The following ULK4 variants were observed in gnomAD, a reference collection of about 807,000 sequenced individuals.
ULK4 encodes unc-51 like kinase 4.
In ULK4, 133 loss-of-function variants were observed where a neutral mutation model predicts 160.6. That is an observed-to-expected ratio of 0.83 (90% CI 0.72 to 0.96). The LOEUF (loss-of-function observed/expected upper bound fraction) is 0.96, where lower values mean the gene tolerates loss of function less well. Among genes scored for constraint, ULK4 ranks in the 40% least tolerant of loss-of-function variants. ULK4 has a pLI of 0.00. For synonymous variants in ULK4, 534 were observed against 539.8 expected, an observed-to-expected ratio of 0.99 and a Z score of 0.15; for missense variants, 1,580 against 1,499.5, an observed-to-expected ratio of 1.05 and a Z score of -0.89.
At chr3:41,371,201 G>T (rs1286706939) in intron 35 of ULK4, among the ~76,000 whole-genome samples, 1 of 152,166 alleles carries the variant, frequency 6.6e-6, no homozygotes, top group African/African-American at 2.4e-5. Flanking sequence ...TCGGGGAAGG[G>T]GCGGCTGTGG....
chr3:41,743,339 A>G (rs1340062495), intron 22 of ULK4, among the ~76,000 whole-genome samples: 2 of 151,864 alleles, frequency 1.3e-5, no homozygotes, highest in African/African-American at 4.9e-5. Context: ...AAAGGAAAAA[A>G]AAAACTGTCA....
chr3:41,673,912 T>G (rs539017532), intron 29 of ULK4, among the ~76,000 whole-genome samples: 3 of 152,306 alleles, frequency 2.0e-5, no homozygotes, highest in African/African-American at 7.2e-5. Flanking sequence ...TATTGCTTTG[T>G]CTTGCCCACA....
At chr3:41,618,228 A>T (rs972861710) in intron 30 of ULK4, among the ~76,000 whole-genome samples, 1 of 152,214 alleles carries the variant, frequency 6.6e-6, no homozygotes, top group Non-Finnish European at 1.5e-5. Flanking sequence ...GAACTTCCCC[A>T]CCATAGCAAG....
At chr3:41,704,924 G>A in intron 27 of ULK4, 133 bp downstream of exon 27, 3 of 614,986 alleles carry the variant, frequency 4.9e-6, no homozygotes, top group Non-Finnish European at 8.1e-6. Flanking sequence ...ATCCTGCCAG[G>A]GTAGGGGGGT....
intron 27 of ULK4, among the ~76,000 whole-genome samples, chr3:41,682,355 C>G (rs2035950488): frequency 6.6e-6 from 1 of 151,724 alleles, no homozygotes; most frequent in African/African-American, 2.4e-5. Flanking sequence ...TAAAACTTAA[C>G]CCCAAAAAAC....
chr3:41,881,124 A>G (rs886982147), intron 17 of ULK4, among the ~76,000 whole-genome samples: 9 of 152,100 alleles, frequency 5.9e-5, no homozygotes, highest in Non-Finnish European at 1.2e-4. Flanking sequence ...GTTATGAACC[A>G]AAGATTCACT....
At chr3:41,727,165 T>C (rs973952091) in intron 22 of ULK4, among the ~76,000 whole-genome samples, 1 of 152,224 alleles carries the variant, frequency 6.6e-6, no homozygotes, top group South Asian at 2.1e-4. Flanking sequence ...CCTCCTGCTA[T>C]ACCTCTGTGA....
In ULK4 at chr3:41,681,624, C is replaced by T; in HGVS notation, c.2862G>A (p.Leu954=). 6.2e-7 allele frequency: 1 copy of T among 1,613,604 alleles called. No individual in the cohort carries two copies. The highest frequency in any genetic ancestry group is 8.5e-7 in the Non-Finnish European group (1 of 1,179,908). ...CGAGTAGAGATGTGGTTTCTGAGAG[C>T]AACCGCAAGCTAAAGAGTCTCCACT... ...NVEWRLFSLR[L]LSETTSLLVN... is the part of the protein sequence containing the mutation. Residue 954 remains leucine (L), a synonymous_variant, in exon 29 of 37, where the codon TTG becomes TTA. Transcript: ENST00000301831.
At chr3:41,524,451 A>G (rs1466306959) in intron 32 of ULK4, among the ~76,000 whole-genome samples, 1 of 152,180 alleles carries the variant, frequency 6.6e-6, no homozygotes, top group Non-Finnish European at 1.5e-5. Context: ...AAACAAGTCA[A>G]TGGCCAACTA....
chr3:41,961,877 C>A (rs73071261), intron 1 of ULK4, 139 bp downstream of exon 1: 18,961 of 152,968 alleles, frequency 0.12, 1,369 homozygotes, highest in Middle Eastern at 0.27. Context: ...GCAGGGGGTA[C>A]GGGGTCCACT....
intron 17 of ULK4, among the ~76,000 whole-genome samples, chr3:41,880,866 C>T (rs113458377): frequency 0.046 from 6,921 of 151,940 alleles, 492 homozygotes; most frequent in African/African-American, 0.16. Flanking sequence ...GAGGTTACAA[C>T]GAGCCAAGAT....
chr3:41,611,365 T>G (rs2032669019), intron 31 of ULK4, among the ~76,000 whole-genome samples: 7 of 152,172 alleles, frequency 4.6e-5, no homozygotes. Flanking sequence ...ATCAGCTGCC[T>G]GGCTTTCTCC....
chr3:41,760,074 T>C (rs1415155844), intron 21 of ULK4, among the ~76,000 whole-genome samples: 2 of 152,044 alleles, frequency 1.3e-5, no homozygotes, highest in Non-Finnish European at 2.9e-5. Context: ...CCAGAATATA[T>C]AAAGAACTCT....
chr3:41,510,895 C>T (rs1407919493), intron 32 of ULK4, among the ~76,000 whole-genome samples: 3 of 152,180 alleles, frequency 2.0e-5, no homozygotes, highest in African/African-American at 4.8e-5. Context: ...GGCGCAGTGG[C>T]TCATGCCTGT....
rs367916908 is a variant in ULK4 at position 41,315,829 on chromosome 3, A to T, written c.3679-66255T>A. On this transcript the variant is annotated intron_variant, in intron 35 of 36. Transcript: ENST00000301831. ...CATCAGGACAATGCACATCAAAACC[A>T]CAATGAGATGCCACTTCCCACCCAT... is the stretch of plus-strand genomic sequence containing the variant. Among the ~76,000 whole-genome samples the T allele has an allele frequency of 8.7e-4, 133 of 152,334 alleles. 8 individuals carry two copies. In the South Asian group the frequency reaches 0.027, roughly 31 times the overall value.
chr3:41,664,665 G>A (rs1288393477), intron 29 of ULK4, among the ~76,000 whole-genome samples: 1 of 151,940 alleles, frequency 6.6e-6, no homozygotes, highest in Non-Finnish European at 1.5e-5. Context: ...CTGTTAACTG[G>A]GTACATTGCA....
At chr3:41,952,050 A>C (rs1026332034) in intron 2 of ULK4, among the ~76,000 whole-genome samples, 4 of 152,218 alleles carry the variant, frequency 2.6e-5, no homozygotes, top group African/African-American at 7.2e-5. Flanking sequence ...TAGAAAATTT[A>C]ACTCAAAATG....
chr3:41,494,197 T>C (rs28887901), intron 32 of ULK4, among the ~76,000 whole-genome samples: 71,740 of 89,620 alleles, frequency 0.8, 29,932 homozygotes, highest in Middle Eastern at 0.91. Flanking sequence ...ACTGGCAAAC[T>C]GAATCCAGCA....
rs1226603163 is a variant in ULK4, at chr3:41,891,363, G to GAGGC, written c.1577+4151_1577+4154dup. Among the ~76,000 whole-genome samples the GAGGC allele has an allele frequency of 4.3e-5, 6 of 139,098 alleles. 1 individual carries two copies. The highest frequency in any genetic ancestry group is 7.8e-5 in the Non-Finnish European group (5 of 64,040). 91.3% of individuals were successfully genotyped at this position (139,098 alleles called of 152,430 possible). On this transcript the variant is annotated intron_variant, in intron 16 of 36. Transcript: ENST00000301831. ...GACTGGAGGGAGGGAGGGAGGGAGG[G>GAGGC]AGGCAGGCAGGCAGGCAGGAAGGAG...
Sources: allele counts gnomAD v4.1 joint callset (sites outside exome capture counted in the v4.1 genomes callset), GRCh38; gene constraint gnomAD v4.1.1; transcripts MANE v1.5; gene names NCBI Gene and HGNC (gene_info 2026-07-23, HGNC 2026-07-21).